Variants in CLNK observed in about 807,000 individuals in gnomAD.
CLNK encodes the protein cytokine dependent hematopoietic cell linker, also known as cytokine-dependent hematopoietic cell linker.
CLNK carries 74 observed loss-of-function variants against 68.6 expected under a neutral mutation model. That is an observed-to-expected ratio of 1.08 (90% CI 0.89 to 1.31). CLNK has a LOEUF of 1.31. Among genes scored for constraint, CLNK ranks in the 50% most tolerant of loss-of-function variants. The pLI is 0.00. For synonymous variants in CLNK, 198 were observed against 172.2 expected (o/e 1.15, Z -1.17); for missense variants, 553 against 515.3 (o/e 1.07, Z -0.71).
intron 11 of CLNK, among the ~76,000 whole-genome samples, chr4:10,539,120 G>A (rs144637776): frequency 1.3e-5 from 2 of 152,230 alleles, no homozygotes; most frequent in East Asian, 3.9e-4. Flanking sequence ...TTTCTTTATA[G>A]CAATGTGAGA....
intron 4 of CLNK, among the ~76,000 whole-genome samples, chr4:10,583,948 T>C (rs1303687531): frequency 6.6e-6 from 1 of 152,234 alleles, no homozygotes; most frequent in East Asian, 1.9e-4. Context: ...GAATATTCTC[T>C]TCCCTCCAGG....
chr4:10,644,776 G>T (rs1379407460), intron 2 of CLNK, among the ~76,000 whole-genome samples: 2 of 152,116 alleles, frequency 1.3e-5, no homozygotes, highest in East Asian at 3.8e-4. Flanking sequence ...CTTCATTATG[G>T]CTCAGCAAGA....
chr4:10,716,487 C>T, the CLNK span, among the ~76,000 whole-genome samples: 1 of 152,076 alleles, frequency 6.6e-6, no homozygotes, highest in Non-Finnish European at 1.5e-5. Flanking sequence ...AGGTGACAGA[C>T]TGGCTAGGGA....
At chr4:10,678,185 C>T (rs1054702081) in intron 1 of CLNK, among the ~76,000 whole-genome samples, 7 of 152,160 alleles carry the variant, frequency 4.6e-5, no homozygotes, top group African/African-American at 1.7e-4. Flanking sequence ...TCTTTCAACC[C>T]AGGTATGCTG....
intron 2 of CLNK, among the ~76,000 whole-genome samples, chr4:10,625,659 G>A (rs1722638859): frequency 6.6e-6 from 1 of 152,158 alleles, no homozygotes; most frequent in Non-Finnish European, 1.5e-5. Flanking sequence ...CAGAGAAAGA[G>A]AGACAGAGAG....
intron 2 of CLNK, among the ~76,000 whole-genome samples, chr4:10,619,261 C>T (rs2108859543): frequency 6.6e-6 from 1 of 152,264 alleles, no homozygotes; most frequent in South Asian, 2.1e-4. Flanking sequence ...CCTTTTCACG[C>T]TAAATTAGAG....
intron 2 of CLNK, among the ~76,000 whole-genome samples, chr4:10,660,525 A>T (rs1049402724): frequency 6.6e-6 from 1 of 152,366 alleles, no homozygotes; most frequent in Middle Eastern, 3.4e-3. Flanking sequence ...TACATTACTT[A>T]CATGATAACA....
At chr4:10,574,456 G>T (rs1720474659) in intron 4 of CLNK, among the ~76,000 whole-genome samples, 1 of 152,068 alleles carries the variant, frequency 6.6e-6, no homozygotes, top group African/African-American at 2.4e-5. Flanking sequence ...ATCCAATCAG[G>T]GCCCTCCTCT....
chr4:10,588,521 A>C (rs1721067115), intron 3 of CLNK, among the ~76,000 whole-genome samples: 1 of 151,928 alleles, frequency 6.6e-6, no homozygotes, highest in Non-Finnish European at 1.5e-5. Flanking sequence ...AAATAAAATA[A>C]CTCGTATTCG....
At chr4:10,699,476 C>CTCTCTCTCTCTCTG in the CLNK span, among the ~76,000 whole-genome samples, 2 of 58,242 alleles carry the variant, frequency 3.4e-5, no homozygotes, top group African/African-American at 1.6e-4. Flanking sequence ...GTCTCTCTCT[C>CTCTCTCTCTCTCTG]TCTCTCTCTC....
At chr4:10,632,844 C>T (rs1175467914) in intron 2 of CLNK, among the ~76,000 whole-genome samples, 2 of 152,222 alleles carry the variant, frequency 1.3e-5, no homozygotes, top group Admixed American at 6.5e-5. Context: ...GAACTAAATA[C>T]TATTTAAAAA....
At chr4:10,504,255 G>T (rs1323732525) in intron 17 of CLNK, among the ~76,000 whole-genome samples, 1 of 151,500 alleles carries the variant, frequency 6.6e-6, no homozygotes, top group East Asian at 1.9e-4. Context: ...TGAGTGGCTG[G>T]GACTACAGGC....
At chr4:10,503,973 G>A (rs1465986550) in intron 17 of CLNK, among the ~76,000 whole-genome samples, 1 of 151,116 alleles carries the variant, frequency 6.6e-6, no homozygotes, top group Non-Finnish European at 1.5e-5. Context: ...TGTAGAGACG[G>A]GGTTTCACCA....
At chr4:10,699,797 A>C in the CLNK span, among the ~76,000 whole-genome samples, 1 of 151,874 alleles carries the variant, frequency 6.6e-6, no homozygotes, top group Non-Finnish European at 1.5e-5. Flanking sequence ...TATAGGCATG[A>C]GCCACGGCAC....
intron 12 of CLNK, among the ~76,000 whole-genome samples, chr4:10,528,660 T>G (rs376065790): frequency 6.6e-6 from 1 of 152,232 alleles, no homozygotes; most frequent in Non-Finnish European, 1.5e-5. Flanking sequence ...CATTAAAAGT[T>G]TGGAATAAAA....
At chr4:10,537,611 T>C (rs539885209) in intron 11 of CLNK, among the ~76,000 whole-genome samples, 40 of 143,988 alleles carry the variant, frequency 2.8e-4, no homozygotes, top group Middle Eastern at 3.7e-3. Flanking sequence ...CTTTCTCCCT[T>C]TCTCTCTCTC....
the CLNK span, among the ~76,000 whole-genome samples, chr4:10,700,605 T>C: frequency 6.6e-6 from 1 of 152,212 alleles, no homozygotes; most frequent in Non-Finnish European, 1.5e-5. Context: ...AAGGATTTCT[T>C]AGTTATGCAG....
intron 6 of CLNK, among the ~76,000 whole-genome samples, chr4:10,565,580 G>C (rs1056180466): frequency 1.4e-5 from 2 of 146,822 alleles, no homozygotes; most frequent in Non-Finnish European, 3.0e-5. Flanking sequence ...AAGTTAAAAA[G>C]TCTTTTTTTT....
chr4:10,550,014 T>G (rs1408393542), intron 8 of CLNK, among the ~76,000 whole-genome samples: 1 of 152,206 alleles, frequency 6.6e-6, no homozygotes, highest in African/African-American at 2.4e-5. Flanking sequence ...CCACAACTTA[T>G]TATGGTGAAA....
Sources: allele counts gnomAD v4.1 joint callset (sites outside exome capture counted in the v4.1 genomes callset), GRCh38; gene constraint gnomAD v4.1.1; transcripts MANE v1.5; gene names NCBI Gene and HGNC (gene_info 2026-07-23, HGNC 2026-07-21).